AGBL1: variants seen among roughly 807,000 people sequenced by gnomAD.
The protein encoded by AGBL1 is AGBL carboxypeptidase 1, also known as cytosolic carboxypeptidase 4.
In AGBL1, 130 loss-of-function variants were observed where a neutral mutation model predicts 118.9. That is an observed-to-expected ratio of 1.09 (90% CI 0.95 to 1.26). The LOEUF (loss-of-function observed/expected upper bound fraction) is 1.26, where lower values mean the gene tolerates loss of function less well. AGBL1 is among the 50% of genes most tolerant of loss of function. The probability of loss-of-function intolerance (pLI) is 0.00; values close to 1 mark genes in which losing one functional copy is unlikely to be tolerated. For missense variants in AGBL1, 1,584 were observed against 1,298.1 expected (o/e 1.22, Z -3.38); for synonymous variants, 555 against 478.9 (o/e 1.16, Z -2.08).
At chr15:86,226,266 C>G (rs1248335785) in intron 6 of AGBL1, among the ~76,000 whole-genome samples, 1 of 152,160 alleles carries the variant, frequency 6.6e-6, no homozygotes, top group Non-Finnish European at 1.5e-5. Context: ...CCCTCGGTTG[C>G]TCCCAAATGC....
intron 18 of AGBL1, among the ~76,000 whole-genome samples, chr15:86,514,565 T>C (rs1245410129): frequency 2.0e-5 from 3 of 152,188 alleles, no homozygotes; most frequent in Non-Finnish European, 4.4e-5. Flanking sequence ...TCCATGGCTC[T>C]TGTGTTTGAT....
intron 1 of AGBL1, among the ~76,000 whole-genome samples, chr15:86,093,996 C>T (rs1896193549): frequency 6.6e-6 from 1 of 152,054 alleles, no homozygotes. Flanking sequence ...CGATTACATT[C>T]TAATCTAGTA....
At chr15:86,925,202 G>GAA (rs762340039) in intron 23 of AGBL1, among the ~76,000 whole-genome samples, 4,972 of 115,690 alleles carry the variant, frequency 0.043, 339 homozygotes, top group African/African-American at 0.16. Context: ...AAGAAGAAAA[G>GAA]AAGAAGAAAA....
chr15:86,380,998 A>G (rs1050689633), intron 17 of AGBL1, among the ~76,000 whole-genome samples: 2 of 152,176 alleles, frequency 1.3e-5, no homozygotes, highest in African/African-American at 2.4e-5. Flanking sequence ...TGGGGAAACA[A>G]AATTGAATTA....
Position 86,616,557 on chromosome 15 carries a change from T to C in AGBL1, c.2995-57716T>C, listed in dbSNP as rs182594447. On this transcript the variant is annotated intron_variant, in intron 21 of 22. Coordinates refer to ENST00000614907, the MANE Select transcript of AGBL1 (RefSeq NM_001386094.1). ...GGTAAATATAGAACTAGACACCTCT[T>C]GTCTGATTTTGTTATTGATTTAACT... Among the ~76,000 whole-genome samples, 384 of 152,248 alleles carry C rather than the reference T, an allele frequency of 2.5e-3. 2 individuals carry two copies. Among genetic ancestry groups the C allele is most frequent in the Non-Finnish European group, 4.0e-3 (269 of 68,016 alleles).
chr15:87,030,174 T>C (rs929253545), downstream of AGBL1, among the ~76,000 whole-genome samples: 10 of 151,968 alleles, frequency 6.6e-5, 1 homozygote, highest in Admixed American at 4.6e-4. Flanking sequence ...ACTTTATGTG[T>C]CTACTGTACA....
Position 86,812,212 on chromosome 15 carries a change from C to T in AGBL1, c.3159-94875C>T, listed in dbSNP as rs111518229. On this transcript the variant is annotated intron_variant, in intron 22 of 22. Transcript: ENST00000614907. ...TACTTAGTTTCAAAAAGAATTAAGC[C>T]TGAATACCTTCTTTTCCTGTAGCAA... is the stretch of plus-strand genomic sequence containing the variant. Among the ~76,000 whole-genome samples the T allele has an allele frequency of 2.8e-3, 426 of 152,182 alleles. 1 individual carries two copies. Among genetic ancestry groups the T allele is most frequent in the African/African-American group, 9.9e-3 (410 of 41,518 alleles).
At chr15:86,791,942 G>T (rs532610776) in intron 22 of AGBL1, among the ~76,000 whole-genome samples, 1 of 151,908 alleles carries the variant, frequency 6.6e-6, no homozygotes, top group South Asian at 2.1e-4. Flanking sequence ...TGCCATGTTG[G>T]CCAGGCTGGT....
At chr15:86,348,458 AC>A (rs1407387771) in intron 17 of AGBL1, among the ~76,000 whole-genome samples, 2 of 152,188 alleles carry the variant, frequency 1.3e-5, no homozygotes, top group African/African-American at 4.8e-5. Context: ...GTCTGGAGAC[AC>A]TTTTGATGAT....
At chr15:86,371,110 C>A (rs1193081004) in intron 17 of AGBL1, among the ~76,000 whole-genome samples, 1 of 152,200 alleles carries the variant, frequency 6.6e-6, no homozygotes, top group Non-Finnish European at 1.5e-5. Flanking sequence ...GGAATGGCAG[C>A]ACAGTCCAGT....
intron 11 of AGBL1, among the ~76,000 whole-genome samples, chr15:86,265,844 C>G (rs1338874274): frequency 6.6e-6 from 1 of 152,166 alleles, no homozygotes; most frequent in Admixed American, 6.5e-5. Context: ...ACCTTCTAAG[C>G]TTTCTTTCTC....
intron 22 of AGBL1, among the ~76,000 whole-genome samples, chr15:86,755,069 G>A (rs956480373): frequency 1.5e-4 from 23 of 152,074 alleles, no homozygotes; most frequent in African/African-American, 5.3e-4. Flanking sequence ...CCATATATAT[G>A]TCTGAGAAAG....
intron 17 of AGBL1, among the ~76,000 whole-genome samples, chr15:86,376,697 C>T (rs1264300142): frequency 1.3e-5 from 2 of 152,208 alleles, no homozygotes; most frequent in East Asian, 3.9e-4. Context: ...GTCTCCAGTT[C>T]CTCCAGAGCT....
chr15:86,896,144 TTTTC>T (rs900741981), intron 22 of AGBL1, among the ~76,000 whole-genome samples: 43 of 152,218 alleles, frequency 2.8e-4, no homozygotes, highest in African/African-American at 1.0e-3. Flanking sequence ...AAAAAAATCT[TTTTC>T]TTTCATTATG....
intron 24 of AGBL1, among the ~76,000 whole-genome samples, chr15:87,025,239 T>A (rs2141810816): frequency 6.6e-6 from 1 of 151,998 alleles, no homozygotes; most frequent in South Asian, 2.1e-4. Flanking sequence ...CCCTAAAGAC[T>A]CCTCCAGAAA....
At chr15:86,581,502 C>T (rs1437639105) in intron 21 of AGBL1, among the ~76,000 whole-genome samples, 1 of 152,110 alleles carries the variant, frequency 6.6e-6, no homozygotes, top group Non-Finnish European at 1.5e-5. Flanking sequence ...CTAAAAGAGG[C>T]CATTGCAAAA....
chr15:86,242,108 C>G (rs1353182075), intron 6 of AGBL1, among the ~76,000 whole-genome samples: 1 of 152,146 alleles, frequency 6.6e-6, no homozygotes, highest in African/African-American at 2.4e-5. Context: ...GTCCCTTGTT[C>G]TTCTGCCATG....
intron 17 of AGBL1, chr15:86,304,984 T>C (rs988652037): frequency 6.6e-6 from 1 of 152,210 alleles, no homozygotes; most frequent in African/African-American, 2.4e-5. Context: ...GAGGATGAGA[T>C]GAACCCCATG....
chr15:86,923,182 A>G (rs1567241905), intron 23 of AGBL1, among the ~76,000 whole-genome samples: 1 of 152,192 alleles, frequency 6.6e-6, no homozygotes, highest in Non-Finnish European at 1.5e-5. Flanking sequence ...TGAACACATG[A>G]TAAATAGGCA....
Sources: allele counts gnomAD v4.1 joint callset (sites outside exome capture counted in the v4.1 genomes callset), GRCh38; gene constraint gnomAD v4.1.1; transcripts MANE v1.5; gene names NCBI Gene and HGNC (gene_info 2026-07-23, HGNC 2026-07-21).